ENAH: variants seen among roughly 807,000 people sequenced by gnomAD.
ENAH encodes the protein ENAH actin regulator, also known as protein enabled homolog.
ENAH carries 23 observed loss-of-function variants against 78.7 expected under a neutral mutation model. The observed-to-expected ratio is 0.29, with a 90% confidence interval of 0.21 to 0.41. The LOEUF is 0.41. ENAH is among the 10% of genes least tolerant of loss of function. The pLI is 1.00. For synonymous variants in ENAH, 226 were observed against 241.0 expected (o/e 0.94, Z 0.58); for missense variants, 544 against 691.0 (o/e 0.79, Z 2.39).
intron 3 of ENAH, among the ~76,000 whole-genome samples, chr1:225,553,778 A>C (rs2096653154): frequency 1.3e-5 from 2 of 152,232 alleles, no homozygotes; most frequent in South Asian, 4.1e-4. Flanking sequence ...CACCAGGCCA[A>C]GTTCTAGTGG....
chr1:225,521,339 T>C (rs530414355), intron 4 of ENAH, among the ~76,000 whole-genome samples: 6 of 152,022 alleles, frequency 3.9e-5, no homozygotes, highest in Non-Finnish European at 7.4e-5. Flanking sequence ...TTAGGAAAAG[T>C]TGTGTCAATT....
At chr1:225,606,491 T>C (rs1270014259) in intron 1 of ENAH, among the ~76,000 whole-genome samples, 2 of 151,844 alleles carry the variant, frequency 1.3e-5, no homozygotes, top group African/African-American at 4.8e-5. Flanking sequence ...TACCATATTT[T>C]AACATATTAG....
intron 1 of ENAH, among the ~76,000 whole-genome samples, chr1:225,579,082 T>G (rs1477436247): frequency 6.6e-6 from 1 of 152,198 alleles, no homozygotes; most frequent in African/African-American, 2.4e-5. Context: ...TATCCCCATT[T>G]TACAGATAGG....
rs530897802 is a variant in ENAH at position 225,525,162 on chromosome 1, C to A, written c.434+5392G>T. On this transcript the variant is annotated intron_variant, in intron 4 of 13. Coordinates refer to ENST00000366843, the MANE Select transcript of ENAH (RefSeq NM_018212.6). ...AGTAATTCATTTAGAACTATTACTT[C>A]TAGACTTTTCATATTTAGATGTTAT... Among the ~76,000 whole-genome samples the A allele has an allele frequency of 1.8e-4, 27 of 152,264 alleles. No individual in the cohort carries two copies. In the East Asian group the frequency reaches 4.8e-3, roughly 27 times the overall value.
intron 2 of ENAH, among the ~76,000 whole-genome samples, chr1:225,561,348 G>T (rs1468143566): frequency 2.0e-5 from 3 of 151,958 alleles, no homozygotes; most frequent in Non-Finnish European, 2.9e-5. Context: ...TTCAGGCTGG[G>T]TGCAGTGGCT....
At chr1:225,529,247 C>T (rs549171850) in intron 4 of ENAH, among the ~76,000 whole-genome samples, 2 of 152,308 alleles carry the variant, frequency 1.3e-5, no homozygotes, top group African/African-American at 4.8e-5. Context: ...GATCTGACCT[C>T]TACTCCTAAT....
intron 3 of ENAH, among the ~76,000 whole-genome samples, chr1:225,552,124 A>G (rs1010955056): frequency 2.2e-5 from 3 of 134,762 alleles, no homozygotes; most frequent in Non-Finnish European, 4.7e-5. Context: ...TCCCAAGAAC[A>G]CTCCTGATTC....
chr1:225,500,952 A>G, intron 12 of ENAH, 40 bp downstream of exon 12: 1 of 1,577,286 alleles, frequency 6.3e-7, no homozygotes. Context: ...TTTAAAAAGA[A>G]ACAAGTACAA....
chr1:225,620,636 A>G (rs1255444791), intron 1 of ENAH, among the ~76,000 whole-genome samples: 2 of 152,216 alleles, frequency 1.3e-5, no homozygotes, highest in African/African-American at 4.8e-5. Context: ...CCTCAATCTC[A>G]GCCTGCTACT....
chr1:225,549,776 G>A (rs764030828), intron 3 of ENAH, among the ~76,000 whole-genome samples: 13 of 152,162 alleles, frequency 8.5e-5, no homozygotes, highest in Non-Finnish European at 1.6e-4. Flanking sequence ...GAACACTGCC[G>A]TGGCAGGTAT....
intron 6 of ENAH, among the ~76,000 whole-genome samples, chr1:225,516,937 G>C (rs1209488026): frequency 6.7e-6 from 1 of 149,188 alleles, no homozygotes; most frequent in Admixed American, 6.7e-5. Flanking sequence ...TTAAATACTA[G>C]AAAACATCTT....
chr1:225,568,889 T>C (rs1485582928), intron 1 of ENAH, among the ~76,000 whole-genome samples: 6 of 152,218 alleles, frequency 3.9e-5, no homozygotes, highest in Non-Finnish European at 8.8e-5. Context: ...ATTAGAAAAA[T>C]GTTTACAAAA....
chr1:225,540,737 T>G (rs1436987127), intron 3 of ENAH, among the ~76,000 whole-genome samples: 2 of 151,958 alleles, frequency 1.3e-5, no homozygotes, highest in East Asian at 3.9e-4. Flanking sequence ...GAAGGCTTCT[T>G]GCTTTGATTT....
rs1223856889 is a variant in ENAH, at chr1:225,491,689, G to A, written c.*6086C>T. The A allele has an allele frequency of 6.6e-6, 1 of 152,094 alleles. No individual in the cohort carries two copies. The highest frequency in any genetic ancestry group is 1.5e-5 in the Non-Finnish European group (1 of 68,020). The allele number at this position is 152,094 out of a possible 1,614,324, so 9.4% of individuals were successfully genotyped here. A position where few individuals can be genotyped will look rare whatever the true frequency, so the allele number is the denominator to read the frequency against. On this transcript the variant is annotated 3_prime_UTR_variant, in exon 14 of 14. Transcript: ENST00000366843. Reference sequence around the variant, plus strand: ...TTGGATGGAAACTTTTGGACTTGATGGGAAAATTAACTCTCAATCTAAACA... The same window carrying A: ...TTGGATGGAAACTTTTGGACTTGATAGGAAAATTAACTCTCAATCTAAACA...
At chr1:225,595,434 A>C (rs376383664) in intron 1 of ENAH, among the ~76,000 whole-genome samples, 4 of 152,308 alleles carry the variant, frequency 2.6e-5, no homozygotes, top group East Asian at 3.9e-4. Context: ...TTGCTATCAA[A>C]ATGAGGGGAG....
intron 6 of ENAH, among the ~76,000 whole-genome samples, chr1:225,516,474 G>A (rs1308726342): frequency 1.3e-5 from 2 of 152,138 alleles, no homozygotes; most frequent in Non-Finnish European, 2.9e-5. Context: ...CTACAGTTGG[G>A]CACTAAATAT....
chr1:225,506,035 C>A (rs1444626026), intron 11 of ENAH, among the ~76,000 whole-genome samples: 4 of 152,004 alleles, frequency 2.6e-5, no homozygotes, highest in African/African-American at 7.3e-5. Context: ...ATAAAAAAAT[C>A]TTTCAAAGAA....
chr1:225,586,353 ATATGAAGCTCC>A (rs1402848598), intron 1 of ENAH, among the ~76,000 whole-genome samples: 1 of 151,990 alleles, frequency 6.6e-6, no homozygotes. Flanking sequence ...AGAAATTGAT[ATATGAAGCTCC>A]TCACAAACAA....
chr1:225,524,794 G>A (rs1248263867), intron 4 of ENAH: 1 of 359,252 alleles, frequency 2.8e-6, no homozygotes, highest in Non-Finnish European at 3.9e-6. Context: ...TCTATGTGGA[G>A]ACTAACATAG....
Sources: allele counts gnomAD v4.1 joint callset (sites outside exome capture counted in the v4.1 genomes callset), GRCh38; gene constraint gnomAD v4.1.1; transcripts MANE v1.5; gene names NCBI Gene and HGNC (gene_info 2026-07-23, HGNC 2026-07-21).